The following TPCN2 variants were observed in gnomAD, a reference collection of about 807,000 sequenced individuals.
TPCN2 encodes the protein two pore segment channel 2.
A neutral mutation model predicts 111.4 loss-of-function variants in TPCN2; 92 were observed. That is an observed-to-expected ratio of 0.83 (90% CI 0.70 to 0.98). TPCN2 has a LOEUF of 0.98. Among genes scored for constraint, TPCN2 ranks in the 50% least tolerant of loss-of-function variants. The pLI is 0.00. For missense variants in TPCN2, 995 were observed against 980.1 expected, an observed-to-expected ratio of 1.02 and a Z score of -0.20; for synonymous variants, 405 against 414.5, an observed-to-expected ratio of 0.98 and a Z score of 0.28.
chr11:69,061,571 C>T (rs899511340), intron 5 of TPCN2, among the ~76,000 whole-genome samples: 1 of 152,110 alleles, frequency 6.6e-6, no homozygotes, highest in South Asian at 2.1e-4. Flanking sequence ...ACAGGCGGAT[C>T]GGGCAGTGCG....
chr11:69,071,439 G>A lies in TPCN2; in HGVS notation c.960+19G>A. 6.2e-7 allele frequency: 1 copy of A among 1,607,542 alleles called. No individual in the cohort carries two copies. Among genetic ancestry groups the A allele is most frequent in the African/African-American group, 1.3e-5 (1 of 74,974 alleles). On this transcript the variant is annotated intron_variant, in intron 10 of 24. Coordinates refer to ENST00000294309, the MANE Select transcript of TPCN2 (RefSeq NM_139075.4). ...CCTGATGGTGAGCGAGCTCCCCAAT[G>A]CTGGCTGTGCCTGGAGCTGCCGGGA...
chr11:69,063,922 G>A lies in TPCN2; in HGVS notation c.681G>A (p.Leu227=), dbSNP rs1855142827. The change falls in exon 7 of 25, where the codon CTG becomes CTA. Residue 227 remains leucine (L), a synonymous_variant. Transcript: ENST00000294309. ...TCGGGCTGCTGCTGGCCATCCACCTGTGCCTCTTCACCATGTTCGGAATGC... is the reference window on the plus strand; with the variant it reads ...TCGGGCTGCTGCTGGCCATCCACCTATGCCTCTTCACCATGTTCGGAATGC... The part of the protein sequence containing the change: ...ASVGLLLAIH[L]CLFTMFGMLL... 1.2e-6 allele frequency: 2 copies of A among 1,614,096 alleles called. No individual in the cohort carries two copies. Among genetic ancestry groups the A allele is most frequent in the East Asian group, 2.2e-5 (1 of 44,868 alleles).
rs559046267 is a variant in TPCN2, at chr11:69,071,814, C to G, written c.961-109C>G. On this transcript the variant is annotated intron_variant, in intron 10 of 24. Coordinates refer to ENST00000294309, the MANE Select transcript of TPCN2 (RefSeq NM_139075.4). The stretch of plus-strand genomic sequence containing the variant: ...AGGCTGTGGGGAACTGGGCCCCCCC[C>G]CAAGGCTGCCCAGACTCCCCCTCTG... The G allele has an allele frequency of 2.8e-3, 2,893 of 1,025,848 alleles. 15 individuals are homozygous for G. The highest frequency in any genetic ancestry group is 3.3e-3 in the Admixed American group (165 of 49,938). The allele number at this position is 1,025,848 out of a possible 1,614,324, so 63.5% of individuals were successfully genotyped here.
rs890082116 is a variant in TPCN2, at chr11:69,086,776, G to C, written c.2085+172G>C. On this transcript the variant is annotated intron_variant, in intron 23 of 24. Transcript: ENST00000294309. The stretch of plus-strand genomic sequence containing the variant: ...CCTCCCGTGGGGCTCAGTGCTGCCC[G>C]CCCTGGCTGCTGGGGCCTTGGGGAG... Among the ~76,000 whole-genome samples, 20 of 83,444 alleles carry C rather than the reference G, an allele frequency of 2.4e-4. No individual in the cohort carries two copies. In the Admixed American group the frequency reaches 2.8e-3, roughly 12 times the overall value. The allele number at this position is 83,444 out of a possible 152,430, so 54.7% of individuals were successfully genotyped here. A position where few individuals can be genotyped will look rare whatever the true frequency, so the allele number is the denominator to read the frequency against.
chr11:69,051,813 G>C (rs1373292301), intron 1 of TPCN2, among the ~76,000 whole-genome samples: 1 of 152,210 alleles, frequency 6.6e-6, no homozygotes, highest in Non-Finnish European at 1.5e-5. Flanking sequence ...CTGAGTAAAG[G>C]GTTGGAGGCT....
chr11:69,067,228 T>C (rs1855312157), intron 7 of TPCN2, among the ~76,000 whole-genome samples: 1 of 152,200 alleles, frequency 6.6e-6, no homozygotes, highest in Non-Finnish European at 1.5e-5. Flanking sequence ...GGGAGGTCAC[T>C]AGGCTGGCTG....
intron 1 of TPCN2, 60 bp from the exon 2 acceptor site, chr11:69,053,973 C>G: frequency 2.8e-6 from 4 of 1,433,162 alleles, no homozygotes; most frequent in Non-Finnish European, 3.9e-6. Context: ...TCACGGGTAT[C>G]CTGGAGGGTG....
At chr11:69,080,547 G>A (rs961909154) in intron 17 of TPCN2, among the ~76,000 whole-genome samples, 1 of 152,208 alleles carries the variant, frequency 6.6e-6, no homozygotes, top group East Asian at 1.9e-4. Context: ...GGAAGGGTGG[G>A]GCACGGGGCC....
chr11:69,062,430 G>C (rs1431561587), intron 5 of TPCN2, among the ~76,000 whole-genome samples: 2 of 152,068 alleles, frequency 1.3e-5, no homozygotes, highest in East Asian at 3.9e-4. Flanking sequence ...CTGTGTCTGG[G>C]AGGGGAAGGC....
At chr11:69,062,466 C>T (rs996842584) in intron 5 of TPCN2, among the ~76,000 whole-genome samples, 2 of 147,198 alleles carry the variant, frequency 1.4e-5, no homozygotes, top group African/African-American at 5.1e-5. Context: ...CAAGGGGAGG[C>T]GGGTTGAGGG....
intron 1 of TPCN2, among the ~76,000 whole-genome samples, chr11:69,049,841 A>G (rs1016319699): frequency 1.3e-5 from 2 of 152,022 alleles, no homozygotes; most frequent in Admixed American, 6.5e-5. Flanking sequence ...CACCAGGGGA[A>G]TGAGATTCTG....
chr11:69,081,994 C>T (rs1028385136), intron 18 of TPCN2, among the ~76,000 whole-genome samples: 4 of 152,116 alleles, frequency 2.6e-5, no homozygotes, highest in African/African-American at 9.7e-5. Flanking sequence ...CTTAAAGGGG[C>T]AGGCAGGCAG....
chr11:69,080,839 G>T (rs369176305), intron 17 of TPCN2, among the ~76,000 whole-genome samples: 6 of 152,214 alleles, frequency 3.9e-5, no homozygotes, highest in Non-Finnish European at 8.8e-5. Context: ...CATTACCTTG[G>T]GGGGCTGACA....
At position 69,086,481 on chromosome 11, in the gene TPCN2, T is replaced by G. The variant is rs772103719; in HGVS notation, c.2004-42T>G. 13 of 1,566,018 alleles carry G rather than the reference T, an allele frequency of 8.3e-6. No homozygotes were observed. The East Asian group carries it at 2.7e-4, about 32-fold the overall frequency. On this transcript the variant is annotated intron_variant, in intron 22 of 24. Coordinates refer to ENST00000294309, the MANE Select transcript of TPCN2 (RefSeq NM_139075.4). Reference sequence around the variant, plus strand: ...GGTGTTTGTATCGAGTGCTCTTGCTTTGCTCATCGTGGTTCACAGGGTGGG... The same window carrying G: ...GGTGTTTGTATCGAGTGCTCTTGCTGTGCTCATCGTGGTTCACAGGGTGGG...
At chr11:69,072,232 CGG>C (rs869193483) in intron 11 of TPCN2, among the ~76,000 whole-genome samples, 1 of 152,174 alleles carries the variant, frequency 6.6e-6, no homozygotes, top group Non-Finnish European at 1.5e-5. Context: ...TCGTGCCCCC[CGG>C]GGACCCTGGG....
At chr11:69,069,018 T>C (rs113982679) in intron 8 of TPCN2, among the ~76,000 whole-genome samples, 810 of 39,052 alleles carry the variant, frequency 0.021, 35 homozygotes, top group Middle Eastern at 0.059. Context: ...GGAGCAGGAC[T>C]GTCTGAGTCC....
At position 69,067,575 on chromosome 11, in the gene TPCN2, G is replaced by T; in HGVS notation, c.799G>T (p.Val267Leu). ...GCCTGAGTCTCTGACTTCCCTCCTG[G>T]TGCTGCTGACCACGGCCAACAACCC... The part of the protein sequence containing the change: ...NLPESLTSLL[V>L]LLTTANNPDV... Residue 267 changes from valine to leucine, a missense_variant, in exon 8 of 25, where the codon GTG (valine) becomes TTG (leucine). Coordinates refer to ENST00000294309, the MANE Select transcript of TPCN2 (RefSeq NM_139075.4). 1 of 1,614,004 alleles carries T rather than the reference G, an allele frequency of 6.2e-7. No homozygotes were observed. The highest frequency in any genetic ancestry group is 8.5e-7 in the Non-Finnish European group (1 of 1,180,012).
intron 2 of TPCN2, 60 bp downstream of exon 2, chr11:69,054,157 G>C (rs554459319): frequency 6.9e-5 from 100 of 1,453,010 alleles, no homozygotes; most frequent in Non-Finnish European, 9.0e-5. Flanking sequence ...CGATTGGCTC[G>C]CCCCTCCAGG....
rs762138291 is a variant in TPCN2 at position 69,055,257 on chromosome 11, C to T, written c.334C>T (p.Arg112Cys). 5.0e-6 allele frequency: 8 copies of T among 1,613,950 alleles called. No homozygotes were observed. Among genetic ancestry groups the T allele is most frequent in the African/African-American group, 2.7e-5 (2 of 74,952 alleles). The change falls in exon 4 of 25, where the codon CGC becomes TGC. Residue 112 changes from arginine (R) to cysteine (C), a missense_variant. By Grantham distance (180) the Arg-to-Cys change is radical. Coordinates refer to ENST00000294309, the MANE Select transcript of TPCN2 (RefSeq NM_139075.4). ...PSSLTSTADV[R>C]YRAAPWEPPC... ...CTCACTCACCAGCACGGCGGACGTGCGCTACCGCGCTGCTCCCTGGGAGCC... is the reference window on the plus strand; with the variant it reads ...CTCACTCACCAGCACGGCGGACGTGTGCTACCGCGCTGCTCCCTGGGAGCC...
Sources: allele counts gnomAD v4.1 joint callset (sites outside exome capture counted in the v4.1 genomes callset), GRCh38; gene constraint gnomAD v4.1.1; transcripts MANE v1.5; gene names NCBI Gene and HGNC (gene_info 2026-07-23, HGNC 2026-07-21).